MICAL3: variants seen among roughly 807,000 people sequenced by gnomAD.
MICAL3 encodes microtubule associated monooxygenase, calponin and LIM domain containing 3, also known as [F-actin]-monooxygenase MICAL3.
A neutral mutation model predicts 207.4 loss-of-function variants in MICAL3; 62 were observed. The ratio of observed to expected loss-of-function variants is 0.30; its 90% CI spans 0.24 to 0.37. The LOEUF (loss-of-function observed/expected upper bound fraction) is 0.37. Ranked by LOEUF, MICAL3 falls within the 10% of genes least tolerant of loss-of-function variation. The pLI is 1.00. For synonymous variants in MICAL3, 1,077 were observed against 1,069.3 expected (o/e 1.01, Z -0.14); for missense variants, 2,368 against 2,635.6 (o/e 0.90, Z 2.22).
At position 17,816,802 on chromosome 22, in the gene MICAL3, C is replaced by T. The variant is rs769509797; in HGVS notation, c.5351-18G>A. On this transcript the variant is annotated intron_variant, in intron 26 of 31. Transcript: ENST00000441493. ...CTGCAGCTCTGTGGAGAGAGGGAGG[C>T]CACGTGAGGACAGCGCCAGACAGCA... 11 of 1,538,082 alleles carry T rather than the reference C, an allele frequency of 7.2e-6. No homozygotes were observed. In the East Asian group the frequency reaches 1.7e-4, roughly 24 times the overall value.
intron 29 of MICAL3, among the ~76,000 whole-genome samples, chr22:17,801,176 G>A (rs2061935042): frequency 1.0e-5 from 1 of 97,034 alleles, no homozygotes; most frequent in Admixed American, 9.7e-5. Flanking sequence ...TTTTTGAGAC[G>A]GAGTCTCGCT....
intron 24 of MICAL3, 36 bp from the exon 25 acceptor site, chr22:17,821,545 GC>G (rs768440813): frequency 1.1e-5 from 16 of 1,510,530 alleles, no homozygotes; most frequent in South Asian, 2.5e-5. Flanking sequence ...ACAAGAGGAA[GC>G]CCCCCCATGT....
At chr22:17,953,380 G>C (rs1238351421) in intron 1 of MICAL3, among the ~76,000 whole-genome samples, 1 of 152,106 alleles carries the variant, frequency 6.6e-6, no homozygotes, top group Admixed American at 6.6e-5. Context: ...AACAACTTCC[G>C]GGCAGTGGGG....
chr22:17,967,463 A>AACACACACACAC (rs71184751), intron 1 of MICAL3, among the ~76,000 whole-genome samples: 7 of 126,124 alleles, frequency 5.6e-5, no homozygotes, highest in African/African-American at 1.5e-4. Context: ...TGTACATGCA[A>AACACACACACAC]ACACACACAC....
intron 1 of MICAL3, among the ~76,000 whole-genome samples, chr22:18,020,958 AAATAAAT>A (rs1261640000): frequency 2.1e-5 from 3 of 141,268 alleles, no homozygotes; most frequent in Non-Finnish European, 3.2e-5. Flanking sequence ...ATAAATAAAT[AAATAAAT>A]AAAATGGCCC....
rs771125035 is a variant in MICAL3 at position 17,902,618 on chromosome 22, C to T, written c.589+13G>A. On this transcript the variant is annotated intron_variant, in intron 4 of 31. Transcript: ENST00000441493. This position sits in a 1 kb window ranked among gnomAD's most constrained non-coding sequence, Gnocchi z 4.5. Reference sequence around the variant, plus strand: ...CCCTCTCACGCCTTCTTCACTCCTCCAGTATAACTTACGTTCATTCTCTTG... The same window carrying T: ...CCCTCTCACGCCTTCTTCACTCCTCTAGTATAACTTACGTTCATTCTCTTG... The T allele has an allele frequency of 3.3e-6, 5 of 1,494,410 alleles. No individual in the cohort carries two copies. The Admixed American group carries it at 5.4e-5, about 16-fold the overall frequency. The allele number at this position is 1,494,410 out of a possible 1,614,324, so 92.6% of individuals were successfully genotyped here.
At chr22:17,843,305 A>G (rs931846934) in intron 19 of MICAL3, among the ~76,000 whole-genome samples, 57 of 152,018 alleles carry the variant, frequency 3.7e-4, no homozygotes, top group Admixed American at 2.0e-3. Context: ...TGCCTCCCTT[A>G]TCATCACCAC....
intron 16 of MICAL3, among the ~76,000 whole-genome samples, chr22:17,885,158 C>T (rs1356104209): frequency 2.6e-5 from 4 of 152,214 alleles, no homozygotes; most frequent in Non-Finnish European, 4.4e-5. Flanking sequence ...GCCATGCACT[C>T]GCATGCATGG....
chr22:18,003,252 G>A (rs1037567481), intron 1 of MICAL3, among the ~76,000 whole-genome samples: 4 of 151,786 alleles, frequency 2.6e-5, no homozygotes, highest in African/African-American at 4.8e-5. Context: ...TGGTAAAGAT[G>A]AATCCTGTCT....
At position 17,904,646 on chromosome 22, in the gene MICAL3, G is replaced by A; in HGVS notation, c.458C>T (p.Ala153Val). ...GTTTTACTTACTGATATGGTCGATG[G>A]CTCCAGCACAGAACTTGCCATAGAA... ...KKFYGKFCAGAIDHISIRQLQ... is the reference protein window; with the variant it reads ...KKFYGKFCAGVIDHISIRQLQ... Residue 153 changes from alanine to valine, a missense_variant, in exon 3 of 32, where the codon GCC becomes GTC. Physicochemically the swap from Ala to Val is moderately conservative, Grantham distance 64. This residue lies in a region of MICAL3 where 400 missense variants were observed against 547.0 expected (regional missense o/e 0.73). Coordinates refer to ENST00000441493, the MANE Select transcript of MICAL3 (RefSeq NM_015241.3). The A allele has an allele frequency of 5.0e-6, 8 of 1,613,480 alleles. No individual in the cohort carries two copies. Among genetic ancestry groups the A allele is most frequent in the African/African-American group, 1.3e-5 (1 of 75,014 alleles).
intron 1 of MICAL3, among the ~76,000 whole-genome samples, chr22:17,962,369 G>A (rs908943593): frequency 7.2e-5 from 11 of 152,244 alleles, no homozygotes; most frequent in African/African-American, 2.7e-4. Context: ...CACTCAGCAG[G>A]CACTCGCAGG....
At chr22:17,836,654 T>C (rs1183831234) in intron 20 of MICAL3, among the ~76,000 whole-genome samples, 1 of 151,522 alleles carries the variant, frequency 6.6e-6, no homozygotes. Flanking sequence ...GTGGTTTTTT[T>C]TTTTTTTTGA....
intron 20 of MICAL3, among the ~76,000 whole-genome samples, chr22:17,839,441 G>C (rs564289221): frequency 6.6e-6 from 1 of 151,362 alleles, no homozygotes; most frequent in Admixed American, 6.6e-5. Context: ...ATTTTTAGTA[G>C]AGACAGGGTT....
In MICAL3 at chr22:17,790,152, CCCT is replaced by C. The variant is rs1402719575; in HGVS notation, c.*577_*579del. On this transcript the variant is annotated 3_prime_UTR_variant, in exon 32 of 32. Coordinates refer to ENST00000441493, the MANE Select transcript of MICAL3 (RefSeq NM_015241.3). ...TGTGGTGTTCGGCTGGAGGGCAGACCCCTCCTGCGTCCTCCTAATTTGCATAAT... is the reference window on the plus strand; with the variant it reads ...TGTGGTGTTCGGCTGGAGGGCAGACCCCTGCGTCCTCCTAATTTGCATAAT... 2.6e-5 allele frequency: 4 copies of C among 152,478 alleles called. No homozygotes were observed. The highest frequency in any genetic ancestry group is 9.7e-5 in the African/African-American group (4 of 41,392). The allele number at this position is 152,478 out of a possible 1,614,324, so 9.4% of individuals were successfully genotyped here.
In MICAL3 at chr22:17,804,236, G is replaced by A. The variant is rs370630991; in HGVS notation, c.5650+4608C>T. 7.9e-5 allele frequency among the ~76,000 whole-genome samples: 12 copies of A among 152,252 alleles called. 1 individual carries two copies. Among genetic ancestry groups the A allele is most frequent in the African/African-American group, 1.4e-4 (6 of 41,546 alleles). On this transcript the variant is annotated intron_variant, in intron 29 of 31. Coordinates refer to ENST00000441493, the MANE Select transcript of MICAL3 (RefSeq NM_015241.3). ...TTCTCTAACTAAGAGTTAATAGAGCGGGGCTGCCTGCGTGTCAGTTGCTGA... is the reference window on the plus strand; with the variant it reads ...TTCTCTAACTAAGAGTTAATAGAGCAGGGCTGCCTGCGTGTCAGTTGCTGA...
At chr22:17,792,897 G>A (rs1276801149) in intron 29 of MICAL3, among the ~76,000 whole-genome samples, 1 of 152,218 alleles carries the variant, frequency 6.6e-6, no homozygotes, top group Non-Finnish European at 1.5e-5. Context: ...CCCCCACTCA[G>A]TTCCATGCAT....
chr22:17,833,043 C>T (rs981924362), intron 20 of MICAL3, among the ~76,000 whole-genome samples: 5 of 152,214 alleles, frequency 3.3e-5, no homozygotes, highest in East Asian at 3.9e-4. Flanking sequence ...CAAGCGTGGC[C>T]GACATAGGAA....
chr22:17,956,276 C>G (rs1934609208), intron 1 of MICAL3, among the ~76,000 whole-genome samples: 2 of 152,208 alleles, frequency 1.3e-5, no homozygotes, highest in Admixed American at 6.5e-5. Flanking sequence ...TCCAAACAGA[C>G]AGTTGCAGAA....
rs1468920574 is a variant in MICAL3 at position 17,902,953 on chromosome 22, G to A, written c.473-206C>T. On this transcript the variant is annotated intron_variant, in intron 3 of 31. Transcript: ENST00000441493. The surrounding 1 kb of genome is among the most constrained non-coding windows in gnomAD (Gnocchi z 4.5). ...ATAACCCAGTGGAAGAGCTGTTCTA[G>A]AGCAACACACAGGACACTCCCACGT... Among the ~76,000 whole-genome samples, 3 of 152,176 alleles carry A rather than the reference G, an allele frequency of 2.0e-5. No individual in the cohort carries two copies. The highest frequency in any genetic ancestry group is 2.1e-4 in the South Asian group (1 of 4,832).
Sources: allele counts gnomAD v4.1 joint callset (sites outside exome capture counted in the v4.1 genomes callset), GRCh38; gene constraint gnomAD v4.1.1; regional missense constraint gnomAD v4.1.1; non-coding constraint Gnocchi (gnomAD v3.1); transcripts MANE v1.5; gene names NCBI Gene and HGNC (gene_info 2026-07-23, HGNC 2026-07-21).